Variants in RALYL observed in about 807,000 individuals in gnomAD.
The protein encoded by RALYL is RNA-binding Raly-like protein.
A neutral mutation model predicts 35.1 loss-of-function variants in RALYL; 29 were observed. That is an observed-to-expected ratio of 0.83 (90% CI 0.61 to 1.13). The LOEUF is 1.13. Among genes scored for constraint, RALYL ranks in the 50% most tolerant of loss-of-function variants. RALYL has a pLI of 0.00. For synonymous variants in RALYL, 120 were observed against 127.6 expected (o/e 0.94, Z 0.40); for missense variants, 359 against 360.4 (o/e 1.00, Z 0.03).
At chr8:84,325,724 T>C (rs1435917665) in intron 1 of RALYL, among the ~76,000 whole-genome samples, 1 of 152,206 alleles carries the variant, frequency 6.6e-6, no homozygotes. Context: ...GCCTGACTCT[T>C]AGCATTCAAA....
intron 1 of RALYL, among the ~76,000 whole-genome samples, chr8:84,419,564 A>T (rs1238727845): frequency 6.6e-6 from 1 of 151,390 alleles, no homozygotes; most frequent in East Asian, 1.9e-4. Context: ...TTATTATTAT[A>T]CATTAAGTTT....
At chr8:84,244,981 G>A (rs754683106) in intron 1 of RALYL, among the ~76,000 whole-genome samples, 2 of 152,104 alleles carry the variant, frequency 1.3e-5, no homozygotes, top group Non-Finnish European at 2.9e-5. Context: ...TCAAGTTCAC[G>A]CAATTACCCT....
chr8:84,209,501 C>T (rs190645829), intron 1 of RALYL, among the ~76,000 whole-genome samples: 3 of 152,240 alleles, frequency 2.0e-5, no homozygotes, highest in East Asian at 1.9e-4. Flanking sequence ...TTGTGAGTGT[C>T]ACCTTTTATA....
At chr8:84,330,800 C>T (rs1255888960) in intron 1 of RALYL, among the ~76,000 whole-genome samples, 1 of 151,948 alleles carries the variant, frequency 6.6e-6, no homozygotes, top group Non-Finnish European at 1.5e-5. Context: ...GACATTAAAT[C>T]AATACAGTGG....
At chr8:84,591,134 A>C (rs926326396) in intron 2 of RALYL, among the ~76,000 whole-genome samples, 1 of 152,172 alleles carries the variant, frequency 6.6e-6, no homozygotes, top group Non-Finnish European at 1.5e-5. Flanking sequence ...TATAAGAGAA[A>C]TATTTATTAT....
chr8:84,544,372 T>C (rs376094040), intron 2 of RALYL, among the ~76,000 whole-genome samples: 11 of 152,178 alleles, frequency 7.2e-5, no homozygotes, highest in African/African-American at 2.6e-4. Context: ...TCTATCTACA[T>C]ACTCTCCATT....
At chr8:84,523,510 TA>T (rs754116831) in intron 1 of RALYL, among the ~76,000 whole-genome samples, 134 of 152,102 alleles carry the variant, frequency 8.8e-4, no homozygotes, top group Admixed American at 3.1e-3. Context: ...TTTATTTTTT[TA>T]TTTTTTTATT....
intron 1 of RALYL, among the ~76,000 whole-genome samples, chr8:84,497,642 G>GTTTTTTTTTTTTTTT (rs71271999): frequency 1.2e-4 from 14 of 117,228 alleles, no homozygotes; most frequent in African/African-American, 1.6e-4. Flanking sequence ...TTTTGTTTTT[G>GTTTTTTTTTTTTTTT]TTTTTTTTTT....
At chr8:84,186,373 A>C (rs1206282583) in intron 1 of RALYL, among the ~76,000 whole-genome samples, 2 of 152,208 alleles carry the variant, frequency 1.3e-5, no homozygotes, top group African/African-American at 4.8e-5. Flanking sequence ...AATCATTTCA[A>C]TTATAACAAT....
intron 2 of RALYL, among the ~76,000 whole-genome samples, chr8:84,731,652 T>C (rs1268124641): frequency 1.3e-5 from 2 of 152,122 alleles, no homozygotes; most frequent in East Asian, 3.9e-4. Flanking sequence ...GCCTCCTACA[T>C]CTGTTATTTT....
At chr8:84,206,221 G>C (rs1394044617) in intron 1 of RALYL, among the ~76,000 whole-genome samples, 2 of 152,130 alleles carry the variant, frequency 1.3e-5, no homozygotes, top group Non-Finnish European at 2.9e-5. Flanking sequence ...AATACTAAGA[G>C]TATAGATCAC....
At chr8:84,861,821 T>C (rs1243118718) in intron 5 of RALYL, among the ~76,000 whole-genome samples, 1 of 152,248 alleles carries the variant, frequency 6.6e-6, no homozygotes, top group Non-Finnish European at 1.5e-5. Flanking sequence ...CTTGCTGGGC[T>C]GTTTACTGTT....
At chr8:84,467,452 T>A (rs1484982664) in intron 1 of RALYL, among the ~76,000 whole-genome samples, 1 of 65,050 alleles carries the variant, frequency 1.5e-5, no homozygotes, top group African/African-American at 4.5e-5. Context: ...GTTGAGCAGC[T>A]TTGAGTGGGA....
At chr8:84,535,998 G>A (rs774740156) in intron 2 of RALYL, among the ~76,000 whole-genome samples, 3 of 152,164 alleles carry the variant, frequency 2.0e-5, no homozygotes, top group Non-Finnish European at 4.4e-5. Context: ...TATTTTGACA[G>A]TAACTCATAA....
At chr8:84,287,684 A>T (rs1837924480) in intron 1 of RALYL, among the ~76,000 whole-genome samples, 1 of 152,172 alleles carries the variant, frequency 6.6e-6, no homozygotes. Context: ...CTCTGTGGAC[A>T]CATGGGAGTA....
In RALYL at chr8:84,876,045, G is replaced by A. The variant is rs754954913; in HGVS notation, c.685+2648G>A. On this transcript the variant is annotated intron_variant, in intron 7 of 8. Transcript: ENST00000521268. Reference sequence around the variant, plus strand: ...TCCATAGTATCTTTTTTTTGGAAGCGAACTCCTAAGCTCTCAGTACATTAC... The same window carrying A: ...TCCATAGTATCTTTTTTTTGGAAGCAAACTCCTAAGCTCTCAGTACATTAC... Among the ~76,000 whole-genome samples the A allele has an allele frequency of 5.9e-5, 9 of 151,960 alleles. No homozygotes were observed. In the East Asian group the frequency reaches 1.2e-3, roughly 20 times the overall value.
At chr8:84,372,658 T>G (rs1311410531) in intron 1 of RALYL, among the ~76,000 whole-genome samples, 1 of 151,878 alleles carries the variant, frequency 6.6e-6, no homozygotes, top group African/African-American at 2.4e-5. Context: ...CCACTTGAGT[T>G]GATGAGTTCC....
chr8:84,185,460 A>G (rs538247151), intron 1 of RALYL, among the ~76,000 whole-genome samples: 3 of 152,296 alleles, frequency 2.0e-5, no homozygotes, highest in Admixed American at 1.3e-4. Context: ...TGTTTTCAGT[A>G]TAATTTAGCA....
chr8:84,286,385 G>C (rs1396122358), intron 1 of RALYL, among the ~76,000 whole-genome samples: 1 of 152,218 alleles, frequency 6.6e-6, no homozygotes, highest in Non-Finnish European at 1.5e-5. Flanking sequence ...AATGAGGCAA[G>C]AGAATGTTAG....
Sources: gnomAD v4.1 joint callset for allele counts (sites outside exome capture counted in the v4.1 genomes callset) on GRCh38, gnomAD v4.1.1 for gene constraint, MANE v1.5 for transcripts, NCBI Gene and HGNC (gene_info 2026-07-23, HGNC 2026-07-21) for gene names.